Variants in PAX7 observed in about 807,000 individuals in gnomAD.
PAX7 encodes the protein paired box 7, also known as paired box protein Pax-7.
In PAX7, 18 loss-of-function variants were observed where a neutral mutation model predicts 50.7. The ratio of observed to expected loss-of-function variants is 0.36; its 90% CI spans 0.25 to 0.53. PAX7 has a LOEUF of 0.53. PAX7 is among the 20% of genes least tolerant of loss of function. The pLI is 0.93. For missense variants in PAX7, 644 were observed against 702.9 expected (o/e 0.92, Z 0.95); for synonymous variants, 310 against 290.4 (o/e 1.07, Z -0.69).
intron 4 of PAX7, among the ~76,000 whole-genome samples, chr1:18,679,429 A>G (rs977947343): frequency 2.0e-5 from 3 of 152,122 alleles, no homozygotes; most frequent in African/African-American, 7.2e-5. Flanking sequence ...TGGGGCGCGG[A>G]TGGGTGGTCA....
chr1:18,678,520 G>A (rs1387814169), intron 4 of PAX7, among the ~76,000 whole-genome samples: 1 of 152,186 alleles, frequency 6.6e-6, no homozygotes, highest in Non-Finnish European at 1.5e-5. Context: ...GGAACTCCCT[G>A]TCTTATTGTA....
Position 18,634,188 on chromosome 1 carries a change from G to C in PAX7, c.86-115G>C, listed in dbSNP as rs759057706. ...CAGTGTGAGGACCACCGGGATTGCTGTCTGAGGTCTTGGGGCTCAAACAAA... is the reference window on the plus strand; with the variant it reads ...CAGTGTGAGGACCACCGGGATTGCTCTCTGAGGTCTTGGGGCTCAAACAAA... On this transcript the variant is annotated intron_variant, in intron 1 of 8. Transcript: ENST00000420770. The surrounding 1 kb of genome is among the most constrained non-coding windows in gnomAD (Gnocchi z 4.0). 1.3e-6 allele frequency: 1 copy of C among 753,526 alleles called. No individual in the cohort carries two copies. The highest frequency in any genetic ancestry group is 2.2e-6 in the Non-Finnish European group (1 of 455,548). The allele number at this position is 753,526 out of a possible 1,614,324, so 46.7% of individuals were successfully genotyped here. A position where few individuals can be genotyped will look rare whatever the true frequency, so the allele number is the denominator to read the frequency against.
intron 4 of PAX7, among the ~76,000 whole-genome samples, chr1:18,666,268 T>C (rs1029786033): frequency 1.8e-4 from 27 of 152,234 alleles, no homozygotes; most frequent in African/African-American, 6.5e-4. Flanking sequence ...GGGAAAAAAA[T>C]AGCTCTGCAG....
Position 18,726,543 on chromosome 1 carries a change from G to T in PAX7, c.1156-9089G>T, listed in dbSNP as rs972054081. On this transcript the variant is annotated intron_variant, in intron 7 of 8. Coordinates refer to ENST00000420770, the MANE Select transcript of PAX7 (RefSeq NM_001135254.2). This position sits in a 1 kb window ranked among gnomAD's most constrained non-coding sequence, Gnocchi z 4.8. ...CCAGGCACGTCATGGCCAAATCCAG[G>T]CACGTCATGGCCACAAGAAAACAAC... 6.6e-6 allele frequency among the ~76,000 whole-genome samples: 1 copy of T among 152,110 alleles called. No individual in the cohort carries two copies.
chr1:18,740,332 C>A (rs958869893), intron 8 of PAX7, among the ~76,000 whole-genome samples: 4 of 152,180 alleles, frequency 2.6e-5, no homozygotes, highest in Non-Finnish European at 2.9e-5. Context: ...CAAGCTCCTA[C>A]TGTGTGCTGG....
chr1:18,735,902 T>TC lies in PAX7; in HGVS notation c.1402+29dup. 6.2e-7 allele frequency: 1 copy of TC among 1,613,832 alleles called. No homozygotes were observed. The highest frequency in any genetic ancestry group is 8.5e-7 in the Non-Finnish European group (1 of 1,179,974). On this transcript the variant is annotated intron_variant, in intron 8 of 8. Transcript: ENST00000420770. This position sits in a 1 kb window ranked among gnomAD's most constrained non-coding sequence, Gnocchi z 4.0. ...GAGTGAGTGCCTGGTGCCCTGGGCG[T>TC]CCCCCGTCCCCATTCCTTCTCCCAC...
intron 4 of PAX7, among the ~76,000 whole-genome samples, chr1:18,640,453 G>A (rs918638523): frequency 8.6e-5 from 13 of 151,384 alleles, no homozygotes; most frequent in African/African-American, 3.2e-4. Flanking sequence ...ATTGTTTACG[G>A]GATCTTCGAA....
chr1:18,680,676 T>G (rs553380573), intron 4 of PAX7, among the ~76,000 whole-genome samples: 5 of 152,252 alleles, frequency 3.3e-5, no homozygotes, highest in African/African-American at 1.2e-4. Flanking sequence ...CACCACACTT[T>G]GTAAGATAGG....
At chr1:18,670,940 T>C (rs1056044497) in intron 4 of PAX7, among the ~76,000 whole-genome samples, 1 of 152,174 alleles carries the variant, frequency 6.6e-6, no homozygotes, top group Non-Finnish European at 1.5e-5. Context: ...GGCTCAGAAC[T>C]CACCCAACTC....
At position 18,632,692 on chromosome 1, in the gene PAX7, G is replaced by C. The variant is rs957882495; in HGVS notation, c.85+1004G>C. 2.0e-5 allele frequency among the ~76,000 whole-genome samples: 3 copies of C among 148,114 alleles called. No individual in the cohort carries two copies. Among genetic ancestry groups the C allele is most frequent in the Non-Finnish European group, 4.5e-5 (3 of 66,850 alleles). On this transcript the variant is annotated intron_variant, in intron 1 of 8. Coordinates refer to ENST00000420770, the MANE Select transcript of PAX7 (RefSeq NM_001135254.2). The surrounding 1 kb of genome is among the most constrained non-coding windows in gnomAD (Gnocchi z 6.3). ...CTGTGATCGTTTGAGTCCCTGGCGC[G>C]TGAGGAAGGGGAGAGGAGGCAGGGA...
chr1:18,699,089 G>T lies in PAX7; in HGVS notation c.787-1564G>T, dbSNP rs531317147. On this transcript the variant is annotated intron_variant, in intron 5 of 8. Transcript: ENST00000420770. ...CCCAGTGCCAATCCTGCCTCCCCTT[G>T]TTCATTCATTCATTCGTCATTCACT... Among the ~76,000 whole-genome samples, 7 of 152,238 alleles carry T rather than the reference G, an allele frequency of 4.6e-5. No homozygotes were observed. In the South Asian group the frequency reaches 1.5e-3, roughly 32 times the overall value.
At chr1:18,697,677 T>C (rs949343738) in intron 5 of PAX7, among the ~76,000 whole-genome samples, 1 of 152,054 alleles carries the variant, frequency 6.6e-6, no homozygotes, top group African/African-American at 2.4e-5. Context: ...CCTAGGGACA[T>C]AGGACAATGA....
intron 4 of PAX7, among the ~76,000 whole-genome samples, chr1:18,672,991 T>C (rs1045263872): frequency 2.0e-5 from 3 of 152,046 alleles, no homozygotes; most frequent in Admixed American, 1.3e-4. Flanking sequence ...AGGTAAAAGA[T>C]TGTGGATGCA....
chr1:18,744,429 AGGATGGATGGAT>A (rs375857866), intron 8 of PAX7, among the ~76,000 whole-genome samples: 609 of 60,464 alleles, frequency 0.01, 16 homozygotes, highest in Middle Eastern at 0.039. Context: ...GATAGATGGA[AGGATGGATGGAT>A]GGATGGATGG....
chr1:18,662,858 C>T (rs2088619583), intron 4 of PAX7, among the ~76,000 whole-genome samples: 1 of 152,016 alleles, frequency 6.6e-6, no homozygotes, highest in African/African-American at 2.4e-5. Flanking sequence ...CAGGCATGAG[C>T]CACCACACCC....
At chr1:18,724,530 C>G (rs2089533658) in intron 7 of PAX7, among the ~76,000 whole-genome samples, 1 of 152,232 alleles carries the variant, frequency 6.6e-6, no homozygotes, top group Non-Finnish European at 1.5e-5. Flanking sequence ...ACCTAACTAA[C>G]AGACTGTCCT....
intron 7 of PAX7, among the ~76,000 whole-genome samples, chr1:18,734,033 G>C (rs1053339017): frequency 6.6e-6 from 1 of 152,188 alleles, no homozygotes. Context: ...GGAGGAGCTC[G>C]CTGTCTGTCC....
chr1:18,712,479 A>T (rs1021913910), intron 7 of PAX7, among the ~76,000 whole-genome samples: 21 of 152,156 alleles, frequency 1.4e-4, no homozygotes, highest in Admixed American at 3.3e-4. Flanking sequence ...GAGGGAAATG[A>T]GGGGGCAGGG....
chr1:18,712,700 G>C (rs1312943886), intron 7 of PAX7, among the ~76,000 whole-genome samples: 5 of 152,288 alleles, frequency 3.3e-5, no homozygotes, highest in African/African-American at 1.2e-4. Flanking sequence ...TCCTTTCTTA[G>C]AGAACTGGGT....
Sources: gnomAD v4.1 joint callset for allele counts (sites outside exome capture counted in the v4.1 genomes callset) on GRCh38, gnomAD v4.1.1 for gene constraint, Gnocchi (gnomAD v3.1) non-coding constraint, MANE v1.5 for transcripts, NCBI Gene and HGNC (gene_info 2026-07-23, HGNC 2026-07-21) for gene names.